The following CDC14A variants were observed in gnomAD, a reference collection of about 807,000 sequenced individuals.
CDC14A encodes cell division cycle 14A, also known as dual specificity protein phosphatase CDC14A.
CDC14A carries 53 observed loss-of-function variants against 74.4 expected under a neutral mutation model. That is an observed-to-expected ratio of 0.71 (90% CI 0.57 to 0.89). The LOEUF is 0.89. CDC14A is among the 40% of genes least tolerant of loss of function. The pLI, the probability that CDC14A is intolerant of heterozygous loss-of-function variation, is 0.00. For synonymous variants in CDC14A, 247 were observed against 258.4 expected (o/e 0.96, Z 0.43); for missense variants, 646 against 713.7 (o/e 0.91, Z 1.08).
intron 8 of CDC14A, among the ~76,000 whole-genome samples, chr1:100,459,116 C>CAGAGAGAGAGAGAGAGAG (rs1667045533): frequency 6.8e-6 from 1 of 147,960 alleles, no homozygotes; most frequent in African/African-American, 2.6e-5. Flanking sequence ...CACACACACA[C>CAGAGAGAGAGAGAGAGAG]ACACACACAC....
chr1:100,383,322 A>G (rs1571016194), intron 3 of CDC14A: 1 of 152,732 alleles, frequency 6.5e-6, no homozygotes. Flanking sequence ...GCTTTAATCA[A>G]ATGTGCCATT....
chr1:100,409,474 C>A (rs947362207), intron 4 of CDC14A, among the ~76,000 whole-genome samples: 3 of 152,196 alleles, frequency 2.0e-5, no homozygotes, highest in Non-Finnish European at 2.9e-5. Context: ...TCATCTGAGA[C>A]AAGGCAAGTC....
intron 5 of CDC14A, among the ~76,000 whole-genome samples, chr1:100,438,679 T>G (rs1394744385): frequency 6.6e-6 from 1 of 152,250 alleles, no homozygotes; most frequent in Non-Finnish European, 1.5e-5. Flanking sequence ...TTAAGCATTC[T>G]GTTAAGTTGC....
chr1:100,477,685 G>T (rs558291522), intron 10 of CDC14A, among the ~76,000 whole-genome samples: 1 of 152,246 alleles, frequency 6.6e-6, no homozygotes, highest in African/African-American at 2.4e-5. Flanking sequence ...CAATGATGAC[G>T]CAAAAGCATG....
chr1:100,406,052 CTTT>C (rs1386796081), intron 4 of CDC14A, among the ~76,000 whole-genome samples: 5 of 152,170 alleles, frequency 3.3e-5, no homozygotes, highest in Non-Finnish European at 5.9e-5. Flanking sequence ...TGTTTTTTGA[CTTT>C]TTAGTAATAG....
chr1:100,374,700 A>T (rs139066390), intron 2 of CDC14A, among the ~76,000 whole-genome samples: 174 of 152,332 alleles, frequency 1.1e-3, no homozygotes, highest in African/African-American at 3.8e-3. Flanking sequence ...GCAAGTGGCT[A>T]TTGGCAGATT....
At chr1:100,498,386 T>G (rs1648188638) in intron 14 of CDC14A, among the ~76,000 whole-genome samples, 179 bp downstream of exon 14, 2 of 152,104 alleles carry the variant, frequency 1.3e-5, no homozygotes, top group African/African-American at 4.8e-5. Context: ...GAGACAAGGT[T>G]GTGGAGGGAA....
In CDC14A at chr1:100,496,049, G is replaced by T. The variant is rs774600719; in HGVS notation, c.1298G>T (p.Arg433Ile). ...GHPRAVSQPF[R>I]LSSSLQGSAV... ...CCAAGAGCAGTGTCCCAGCCTTTCA[G>T]GTACTGCCAATGAGGTTGAATGTCT... The change falls in exon 13 of 16, where the codon AGA becomes ATA. Residue 433 changes from arginine (R) to isoleucine (I), a missense_variant and splice_region_variant. Physicochemically the swap from Arg to Ile is moderately conservative, Grantham distance 97. Transcript: ENST00000336454. 6.2e-7 allele frequency: 1 copy of T among 1,612,866 alleles called. No homozygotes were observed.
chr1:100,497,605 G>A (rs763825706), intron 13 of CDC14A, among the ~76,000 whole-genome samples: 38 of 152,328 alleles, frequency 2.5e-4, no homozygotes, highest in Non-Finnish European at 3.7e-4. Flanking sequence ...CTCGCCTAGG[G>A]TAGTTTGCAG....
At chr1:100,481,829 T>G (rs960445983) in intron 10 of CDC14A, among the ~76,000 whole-genome samples, 1 of 152,220 alleles carries the variant, frequency 6.6e-6, no homozygotes, top group Non-Finnish European at 1.5e-5. Context: ...GTTGGCTTCA[T>G]AAGATTTGAT....
chr1:100,348,838 A>T (rs2100859843), upstream of CDC14A, among the ~76,000 whole-genome samples: 1 of 152,364 alleles, frequency 6.6e-6, no homozygotes, highest in African/African-American at 2.4e-5. Context: ...CAGGTGCACA[A>T]GCACGGGTTG....
chr1:100,475,185 T>C (rs1668768398), intron 10 of CDC14A, among the ~76,000 whole-genome samples: 1 of 152,178 alleles, frequency 6.6e-6, no homozygotes, highest in Non-Finnish European at 1.5e-5. Context: ...ATCTCTCCAT[T>C]CTGCCATTTA....
rs752769150 is a variant in CDC14A at position 100,499,286 on chromosome 1, T to C, written c.1755+24T>C. On this transcript the variant is annotated intron_variant, in intron 15 of 15. Coordinates refer to ENST00000336454, the MANE Select transcript of CDC14A (RefSeq NM_003672.4). The stretch of plus-strand genomic sequence containing the variant: ...CTGTAAGTGCGCAGACACCACCTCC[T>C]GGTCCTCAGAACCCTGAATGCAACT... 6.2e-6 allele frequency: 10 copies of C among 1,614,088 alleles called. No homozygotes were observed. In the East Asian group the frequency reaches 1.6e-4, roughly 25 times the overall value.
chr1:100,479,272 T>C (rs1390772105), intron 10 of CDC14A, among the ~76,000 whole-genome samples: 1 of 152,196 alleles, frequency 6.6e-6, no homozygotes, highest in Non-Finnish European at 1.5e-5. Flanking sequence ...TTAAAAAAAG[T>C]TAATTCTTTT....
intron 15 of CDC14A, among the ~76,000 whole-genome samples, chr1:100,501,119 G>A (rs1156576987): frequency 6.6e-6 from 1 of 152,038 alleles, no homozygotes; most frequent in Non-Finnish European, 1.5e-5. Context: ...TATAAAAATT[G>A]GGTGTATAGG....
At chr1:100,514,848 T>C (rs971968395) in intron 15 of CDC14A, among the ~76,000 whole-genome samples, 3 of 152,232 alleles carry the variant, frequency 2.0e-5, no homozygotes, top group Admixed American at 6.5e-5. Flanking sequence ...TTAATCTATT[T>C]TTGAATACGA....
chr1:100,484,764 A>G, intron 11 of CDC14A: 1 of 994,908 alleles, frequency 1.0e-6, no homozygotes, highest in Non-Finnish European at 1.2e-6. Context: ...GAAAAATTTT[A>G]ATGTGACAAT....
chr1:100,455,598 ATATT>A (rs1444474909), intron 8 of CDC14A, 106 bp downstream of exon 8: 5 of 694,608 alleles, frequency 7.2e-6, no homozygotes, highest in African/African-American at 3.7e-5. Context: ...TCTCCAAAGA[ATATT>A]TATTCATAAT....
rs1369721062 is a variant in CDC14A, at chr1:100,352,839, A to G, written c.-116A>G. 3 of 1,528,802 alleles carry G rather than the reference A, an allele frequency of 2.0e-6. No individual in the cohort carries two copies. Among genetic ancestry groups the G allele is most frequent in the African/African-American group, 1.4e-5 (1 of 70,984 alleles). 94.7% of individuals were successfully genotyped at this position (1,528,802 alleles called of 1,614,324 possible). ...TCGGCGCCTGCTGCCTCCCTCGGCC[A>G]GGCTTGTTGTTCGGGACTGTGAGCT... On this transcript the variant is annotated 5_prime_UTR_variant, in exon 1 of 16. Transcript: ENST00000336454.
Sources: gnomAD v4.1 joint callset for allele counts (sites outside exome capture counted in the v4.1 genomes callset) on GRCh38, gnomAD v4.1.1 for gene constraint, MANE v1.5 for transcripts, NCBI Gene and HGNC (gene_info 2026-07-23, HGNC 2026-07-21) for gene names.